EXOC3L4: variants seen among roughly 807,000 people sequenced by gnomAD.
The protein encoded by EXOC3L4 is exocyst complex component 3-like protein 4.
In EXOC3L4, 62 loss-of-function variants were observed where a neutral mutation model predicts 69.7. That is an observed-to-expected ratio of 0.89 (90% CI 0.72 to 1.10). EXOC3L4 has a LOEUF of 1.10. Among genes scored for constraint, EXOC3L4 ranks in the 50% least tolerant of loss-of-function variants. EXOC3L4 has a pLI of 0.00. For synonymous variants in EXOC3L4, 502 were observed against 464.2 expected (o/e 1.08, Z -1.05); for missense variants, 1,087 against 1,034.8 (o/e 1.05, Z -0.69).
rs754043114 is a variant in EXOC3L4, at chr14:103,110,130, C to T, written c.2076C>T (p.Ala692=). The T allele has an allele frequency of 1.8e-4, 273 of 1,554,172 alleles. 1 individual carries two copies. The highest frequency in any genetic ancestry group is 1.9e-4 in the African/African-American group (14 of 73,870). ...CTCAAGACCTGCTGAGAGCTGCGGC[C>T]GGGGCGGCGGGTGCGGAGGCCCCTC... ...QHTQDLLRAA[A]GAAGAEAPRG... is the part of the protein sequence containing the mutation. Residue 692 remains alanine, a synonymous_variant, in exon 12 of 12, where the codon GCC becomes GCT. Transcript: ENST00000688303.
chr14:103,105,194 GTGTT>G lies in EXOC3L4; in HGVS notation c.1466+126_1466+129del, dbSNP rs1183601185. On this transcript the variant is annotated intron_variant, in intron 7 of 11. Coordinates refer to ENST00000688303, the MANE Select transcript of EXOC3L4 (RefSeq NM_001077594.2). The stretch of plus-strand genomic sequence containing the variant: ...GGGCAGAGGTGAGGAGTGTGTGTGT[GTGTT>G]TGTGTCTGTGTGTTGGTGGATCTGA... The G allele has an allele frequency of 1.6e-4, 153 of 973,832 alleles. No homozygotes were observed. The East Asian group carries it at 3.5e-3, about 22-fold the overall frequency. 60.3% of individuals were successfully genotyped at this position (973,832 alleles called of 1,614,324 possible). A position where few individuals can be genotyped will look rare whatever the true frequency, so the allele number is the denominator to read the frequency against.
rs1224461189 is a variant in EXOC3L4, at chr14:103,110,422, G to A, written c.*199G>A. On this transcript the variant is annotated 3_prime_UTR_variant, in exon 12 of 12. Transcript: ENST00000688303. Reference sequence around the variant, plus strand: ...AGGAGGCATTTCAGGCATCGTTGAGGGGAGTGTTTTGGGGCCGCAGAGCTC... The same window carrying A: ...AGGAGGCATTTCAGGCATCGTTGAGAGGAGTGTTTTGGGGCCGCAGAGCTC... 5.4e-6 allele frequency: 4 copies of A among 734,236 alleles called. No homozygotes were observed. The highest frequency in any genetic ancestry group is 4.4e-5 in the South Asian group (3 of 67,460). The allele number at this position is 734,236 out of a possible 1,614,324, so 45.5% of individuals were successfully genotyped here.
At position 103,107,620 on chromosome 14, in the gene EXOC3L4, G is replaced by C; in HGVS notation, c.1702-11G>C. ...TGACCCTGACCCTGACCCTGACCCT[G>C]GGCCGCCCAGGAGACTCTGCAGGAG... On this transcript the variant is annotated splice_polypyrimidine_tract_variant and intron_variant, in intron 9 of 11. Transcript: ENST00000688303. 6.3e-7 allele frequency: 1 copy of C among 1,598,090 alleles called. No individual in the cohort carries two copies. The highest frequency in any genetic ancestry group is 8.5e-7 in the Non-Finnish European group (1 of 1,170,958).
chr14:103,110,115 G>A lies in EXOC3L4; in HGVS notation c.2061G>A (p.Leu687=), dbSNP rs1181660077. ...ATCTCTTGCAGCACACTCAAGACCT[G>A]CTGAGAGCTGCGGCCGGGGCGGCGG... ...NQHLLQHTQD[L]LRAAAGAAGA... The change falls in exon 12 of 12, where the codon CTG becomes CTA. Residue 687 remains leucine (L), a synonymous_variant. Transcript: ENST00000688303. 2 of 1,570,706 alleles carry A rather than the reference G, an allele frequency of 1.3e-6. No individual in the cohort carries two copies. Among genetic ancestry groups the A allele is most frequent in the African/African-American group, 2.7e-5 (2 of 74,320 alleles).
chr14:103,096,401 C>CTTTTTTTTT lies in EXOC3L4; in HGVS notation c.-17+1564_-17+1572dup, dbSNP rs56362121. 5.5e-4 allele frequency among the ~76,000 whole-genome samples: 72 copies of CTTTTTTTTT among 131,922 alleles called. 12 individuals carry two copies. The highest frequency in any genetic ancestry group is 1.7e-3 in the East Asian group (7 of 4,170). 86.5% of individuals were successfully genotyped at this position (131,922 alleles called of 152,430 possible). ...AGGAGGTTGACGTTTTGGCAAGATT[C>CTTTTTTTTT]TTTTTTTTTTTGCAATTGTAAGATT... On this transcript the variant is annotated intron_variant, in intron 1 of 11. Transcript: ENST00000688303.
In EXOC3L4 at chr14:103,100,628, A is replaced by G. The variant is rs1386058875; in HGVS notation, c.394+15A>G. The G allele has an allele frequency of 6.3e-7, 1 of 1,591,522 alleles. No homozygotes were observed. The highest frequency in any genetic ancestry group is 8.6e-7 in the Non-Finnish European group (1 of 1,165,714). Reference sequence around the variant, plus strand: ...ACCCGAGGCAGGTAAGGGCCTCAGAAACAACACGAAGCATGAAAGGAAACG... The same window carrying G: ...ACCCGAGGCAGGTAAGGGCCTCAGAGACAACACGAAGCATGAAAGGAAACG... On this transcript the variant is annotated intron_variant, in intron 2 of 11. Transcript: ENST00000688303.
intron 3 of EXOC3L4, 144 bp from the exon 4 acceptor site, chr14:103,103,797 C>CGTGTGTGTGTGTGTGTGTGT (rs56147384): frequency 2.3e-6 from 1 of 432,430 alleles, no homozygotes; most frequent in East Asian, 4.1e-5. Context: ...GGCGCGCGCG[C>CGTGTGTGTGTGTGTGTGTGT]GTGTGTGTGT....
intron 11 of EXOC3L4, among the ~76,000 whole-genome samples, chr14:103,109,244 T>G (rs868343031): frequency 1.1e-4 from 2 of 18,732 alleles, no homozygotes; most frequent in Non-Finnish European, 1.8e-4. Context: ...CCTGTCCCCG[T>G]GTCTCCCTCC....
At chr14:103,096,401 C>CTTTTTTTTTTTTTTT (rs56362121) in intron 1 of EXOC3L4, among the ~76,000 whole-genome samples, 28 of 131,926 alleles carry the variant, frequency 2.1e-4, no homozygotes, top group East Asian at 7.2e-4. Flanking sequence ...TGGCAAGATT[C>CTTTTTTTTTTTTTTT]TTTTTTTTTT....
At position 103,097,210 on chromosome 14, in the gene EXOC3L4, T is replaced by C. The variant is rs11624069; in HGVS notation, c.-17+2370T>C. ...CCAGGGTGGGAGCTCTCAGTGACTG[T>C]GTCTCTGGGTGGTTTCTTGCCCCTG... On this transcript the variant is annotated intron_variant, in intron 1 of 11. Transcript: ENST00000688303. The surrounding 1 kb of genome is among the most constrained non-coding windows in gnomAD (Gnocchi z 4.9). Among the ~76,000 whole-genome samples the C allele has an allele frequency of 0.46, 69,711 of 151,036 alleles. 16,642 individuals carry two copies. Among genetic ancestry groups the C allele is most frequent in the East Asian group, 0.61 (3,032 of 5,006 alleles).
chr14:103,103,230 C>T (rs1373813402), intron 3 of EXOC3L4, among the ~76,000 whole-genome samples: 2 of 151,938 alleles, frequency 1.3e-5, no homozygotes, highest in Non-Finnish European at 2.9e-5. Flanking sequence ...TGGCACGCAC[C>T]TGTAATCTCA....
rs771915870 is a variant in EXOC3L4 at position 103,107,652 on chromosome 14, C to T, written c.1723C>T (p.Arg575Trp). Residue 575 changes from arginine (R) to tryptophan (W), a missense_variant, in exon 10 of 12, where the codon CGG becomes TGG. By Grantham distance (101) the Arg-to-Trp change is moderately radical. Coordinates refer to ENST00000688303, the MANE Select transcript of EXOC3L4 (RefSeq NM_001077594.2). ...RAQETLQEVH[R>W]FVVREYLARA... The stretch of plus-strand genomic sequence containing the variant: ...CCAGGAGACTCTGCAGGAGGTGCAC[C>T]GGTTCGTGGTCCGCGAGTACCTGGC... The T allele has an allele frequency of 2.7e-5, 43 of 1,579,802 alleles. No individual in the cohort carries two copies. Among genetic ancestry groups the T allele is most frequent in the African/African-American group, 8.1e-5 (6 of 74,152 alleles).
rs1890574887 is a variant in EXOC3L4 at position 103,106,782 on chromosome 14, C to T, written c.1467-3C>T. 6.4e-7 allele frequency: 1 copy of T among 1,568,432 alleles called. No individual in the cohort carries two copies. Among genetic ancestry groups the T allele is most frequent in the Admixed American group, 1.9e-5 (1 of 53,204 alleles). The stretch of plus-strand genomic sequence containing the variant: ...CTCATCGCTGGTCCTGGCCCCTCCC[C>T]AGGACCAGTCTTCTCTCCAGGTTCC... On this transcript the variant is annotated splice_polypyrimidine_tract_variant and splice_region_variant and intron_variant, in intron 7 of 11. Coordinates refer to ENST00000688303, the MANE Select transcript of EXOC3L4 (RefSeq NM_001077594.2).
Position 103,104,814 on chromosome 14 carries a change from G to A in EXOC3L4, c.1361G>A (p.Arg454Gln), listed in dbSNP as rs761913390. Reference protein sequence around the residue: ...LEATTLRICTRALGLFVPRFE... With the variant: ...LEATTLRICTQALGLFVPRFE... ...GCCACCACCCTGCGAATCTGCACGC[G>A]GGCGCTCGGCCTCTTCGTGCCCAGG... Residue 454 changes from arginine to glutamine, a missense_variant, in exon 6 of 12, where the codon CGG (arginine) becomes CAG (glutamine). By Grantham distance (43) the Arg-to-Gln change is conservative. Coordinates refer to ENST00000688303, the MANE Select transcript of EXOC3L4 (RefSeq NM_001077594.2). 40 of 1,512,778 alleles carry A rather than the reference G, an allele frequency of 2.6e-5. No homozygotes were observed. The highest frequency in any genetic ancestry group is 3.5e-5 in the Non-Finnish European group (39 of 1,124,154). The allele number at this position is 1,512,778 out of a possible 1,614,324, so 93.7% of individuals were successfully genotyped here.
Position 103,107,666 on chromosome 14 carries a change from C to T in EXOC3L4, c.1737C>T (p.Arg579=), listed in dbSNP as rs113960922. The change falls in exon 10 of 12, where the codon CGC becomes CGT. Residue 579 remains arginine, a synonymous_variant. Transcript: ENST00000688303. ...AGGAGGTGCACCGGTTCGTGGTCCG[C>T]GAGTACCTGGCGCGGGCGCTGAGGC... ...TLQEVHRFVV[R]EYLARALRPR... 3.6e-4 allele frequency: 558 copies of T among 1,569,686 alleles called. 5 individuals carry two copies. In the African/African-American group the frequency reaches 5.4e-3, roughly 15 times the overall value.
At position 103,110,427 on chromosome 14, in the gene EXOC3L4, T is replaced by A; in HGVS notation, c.*204T>A. 1.4e-6 allele frequency: 1 copy of A among 706,018 alleles called. No homozygotes were observed. Among genetic ancestry groups the A allele is most frequent in the Non-Finnish European group, 2.5e-6 (1 of 396,562 alleles). 43.7% of individuals were successfully genotyped at this position (706,018 alleles called of 1,614,324 possible). ...GCATTTCAGGCATCGTTGAGGGGAG[T>A]GTTTTGGGGCCGCAGAGCTCTCAAT... On this transcript the variant is annotated 3_prime_UTR_variant, in exon 12 of 12. Coordinates refer to ENST00000688303, the MANE Select transcript of EXOC3L4 (RefSeq NM_001077594.2).
At chr14:103,107,242 G>C (rs1481011103) in intron 8 of EXOC3L4, among the ~76,000 whole-genome samples, 182 bp from the exon 9 acceptor site, 2 of 152,182 alleles carry the variant, frequency 1.3e-5, no homozygotes, top group Non-Finnish European at 2.9e-5. Context: ...CCTGCCCCTA[G>C]AGCTTGGGGC....
chr14:103,103,348 C>T (rs1382214780), intron 3 of EXOC3L4, among the ~76,000 whole-genome samples: 5 of 71,362 alleles, frequency 7.0e-5, no homozygotes, highest in African/African-American at 2.3e-4. Flanking sequence ...GAGCAAGACT[C>T]TGTCTCAAAA....
chr14:103,108,890 A>G (rs1318005162), intron 11 of EXOC3L4, among the ~76,000 whole-genome samples: 1 of 152,004 alleles, frequency 6.6e-6, no homozygotes, highest in Non-Finnish European at 1.5e-5. Context: ...GAGTCATCCA[A>G]GCCTTTGGAA....
Sources: gnomAD v4.1 joint callset for allele counts (sites outside exome capture counted in the v4.1 genomes callset) on GRCh38, gnomAD v4.1.1 for gene constraint, Gnocchi (gnomAD v3.1) non-coding constraint, MANE v1.5 for transcripts, NCBI Gene and HGNC (gene_info 2026-07-23, HGNC 2026-07-21) for gene names.